The following COPG2 variants were observed in gnomAD, a reference collection of about 807,000 sequenced individuals.
The protein encoded by COPG2 is coat protein complex I subunit gamma 2.
Under a neutral mutation model 46.3 loss-of-function variants are expected in COPG2, and 37 were observed. That is an observed-to-expected ratio of 0.80 (90% CI 0.61 to 1.05). The LOEUF (loss-of-function observed/expected upper bound fraction) is 1.05. Ranked by LOEUF, COPG2 falls within the 50% of genes least tolerant of loss-of-function variation. The pLI is 0.00. For missense variants in COPG2, 427 were observed against 387.8 expected (o/e 1.10, Z -0.85); for synonymous variants, 159 against 129.7 (o/e 1.23, Z -1.53).
At chr7:130,611,395 G>T (rs782591328) in intron 8 of COPG2, among the ~76,000 whole-genome samples, 16 of 152,156 alleles carry the variant, frequency 1.1e-4, no homozygotes, top group Non-Finnish European at 2.1e-4. Context: ...CACATCCTCA[G>T]TACACACGCT....
intron 9 of COPG2, among the ~76,000 whole-genome samples, chr7:130,591,526 G>A (rs1240034280): frequency 1.6e-5 from 2 of 125,312 alleles, no homozygotes; most frequent in Admixed American, 7.5e-5. Context: ...GGTGAGGGGT[G>A]CCTCTGCCCG....
At chr7:130,633,244 C>T (rs1372059687) in intron 5 of COPG2, among the ~76,000 whole-genome samples, 1 of 152,030 alleles carries the variant, frequency 6.6e-6, no homozygotes, top group Non-Finnish European at 1.5e-5. Flanking sequence ...ATTTATAATC[C>T]TTTGGATATA....
chr7:130,604,401 A>G (rs1554450907), intron 9 of COPG2, among the ~76,000 whole-genome samples: 1 of 152,218 alleles, frequency 6.6e-6, no homozygotes, highest in African/African-American at 2.4e-5. Flanking sequence ...GTAGAGATAT[A>G]CACAAATTTT....
At chr7:130,511,507 T>C (rs782414546) in intron 20 of COPG2, 1 of 520,100 alleles carries the variant, frequency 1.9e-6, no homozygotes, top group South Asian at 1.4e-5. Context: ...AGGGAGTTTT[T>C]CTCTAGGACA....
rs139877735 is a variant in COPG2 at position 130,600,625 on chromosome 7, C to T, written c.737+10328G>A. 1.7e-4 allele frequency among the ~76,000 whole-genome samples: 26 copies of T among 152,240 alleles called. No homozygotes were observed. In the East Asian group the frequency reaches 3.5e-3, roughly 20 times the overall value. Reference sequence around the variant, plus strand: ...ATTTTGGCTTATATTAATATTGCTACATGGCATTTTTTATGTGTGTGAGTG... The same window carrying T: ...ATTTTGGCTTATATTAATATTGCTATATGGCATTTTTTATGTGTGTGAGTG... On this transcript the variant is annotated intron_variant, in intron 9 of 23. Coordinates refer to ENST00000425248, the MANE Select transcript of COPG2 (RefSeq NM_012133.6).
rs1799487676 is a variant in COPG2 at position 130,506,497 on chromosome 7, A to C, written c.*179T>G. The C allele has an allele frequency of 6.7e-6, 3 of 444,578 alleles. No individual in the cohort carries two copies. Among genetic ancestry groups the C allele is most frequent in the Middle Eastern group, 5.9e-4 (1 of 1,682 alleles). The allele number at this position is 444,578 out of a possible 1,614,324, so 27.5% of individuals were successfully genotyped here. ...AGTAGAATAAAAAGAAAAAAAAAAAAAAACAACCCATGCGCAAAGATAGAC... is the reference window on the plus strand; with the variant it reads ...AGTAGAATAAAAAGAAAAAAAAAAACAAACAACCCATGCGCAAAGATAGAC... On this transcript the variant is annotated 3_prime_UTR_variant, in exon 24 of 24. Coordinates refer to ENST00000425248, the MANE Select transcript of COPG2 (RefSeq NM_012133.6).
intron 20 of COPG2, among the ~76,000 whole-genome samples, chr7:130,513,232 G>A (rs1799625470): frequency 7.0e-6 from 1 of 143,588 alleles, no homozygotes; most frequent in Admixed American, 7.3e-5. Context: ...GATGCAGTGA[G>A]CCGAGATCAG....
At chr7:130,626,217 A>G (rs1417440378) in intron 5 of COPG2, among the ~76,000 whole-genome samples, 1 of 152,058 alleles carries the variant, frequency 6.6e-6, no homozygotes, top group African/African-American at 2.4e-5. Context: ...GTAGTTATGT[A>G]GTGATTTGCC....
chr7:130,563,175 T>A (rs1459035200), intron 11 of COPG2, 94 bp downstream of exon 11: 1 of 390,242 alleles, frequency 2.6e-6, no homozygotes. Context: ...ATAAATCACA[T>A]ATACTAACCT....
intron 9 of COPG2, among the ~76,000 whole-genome samples, chr7:130,598,556 C>T (rs572191852): frequency 6.6e-6 from 1 of 152,286 alleles, no homozygotes; most frequent in Admixed American, 6.5e-5. Flanking sequence ...ATCTTAAAGA[C>T]GAGACCTTCA....
At chr7:130,616,360 G>A (rs539652758) in intron 6 of COPG2, among the ~76,000 whole-genome samples, 9 of 152,130 alleles carry the variant, frequency 5.9e-5, no homozygotes, top group African/African-American at 2.2e-4. Context: ...CCCACATGGC[G>A]ATGATTATTC....
At chr7:130,649,763 C>T (rs558496067) in intron 5 of COPG2, among the ~76,000 whole-genome samples, 74 of 152,302 alleles carry the variant, frequency 4.9e-4, no homozygotes, top group South Asian at 3.5e-3. Context: ...CTATCTTGCA[C>T]CTCAAAATTC....
intron 14 of COPG2, among the ~76,000 whole-genome samples, chr7:130,553,905 T>G (rs1015529213): frequency 0.013 from 1,938 of 152,336 alleles, 17 homozygotes; most frequent in Middle Eastern, 0.044. Context: ...TTAAAGTATC[T>G]AACTTGATTT....
chr7:130,656,602 T>C lies in COPG2; in HGVS notation c.244-3654A>G, dbSNP rs962107464. Among the ~76,000 whole-genome samples, 8 of 152,200 alleles carry C rather than the reference T, an allele frequency of 5.3e-5. No homozygotes were observed. In the East Asian group the frequency reaches 1.5e-3, roughly 29 times the overall value. On this transcript the variant is annotated intron_variant, in intron 4 of 23. Coordinates refer to ENST00000425248, the MANE Select transcript of COPG2 (RefSeq NM_012133.6). ...CCCACTAAGAAGACAGCTGCAATAG[T>C]GAACTCTAACAAACATTTAAGGAGA...
chr7:130,634,307 T>A (rs291742), intron 5 of COPG2, among the ~76,000 whole-genome samples: 1 of 152,234 alleles, frequency 6.6e-6, no homozygotes, highest in African/African-American at 2.4e-5. Flanking sequence ...CACATTACTT[T>A]GGGCAGTATG....
At chr7:130,588,324 C>T (rs1356170895) in intron 9 of COPG2, among the ~76,000 whole-genome samples, 1 of 151,836 alleles carries the variant, frequency 6.6e-6, no homozygotes, top group Non-Finnish European at 1.5e-5. Flanking sequence ...ACAAATCATG[C>T]TGCTATAAAG....
rs568952725 is a variant in COPG2, at chr7:130,665,574, A to T, written c.171+1275T>A. On this transcript the variant is annotated intron_variant, in intron 3 of 23. Coordinates refer to ENST00000425248, the MANE Select transcript of COPG2 (RefSeq NM_012133.6). ...CACAACAACTATTTACACAGCACTAACATTGCACCAGGTATTGTAATCTAG... is the reference window on the plus strand; with the variant it reads ...CACAACAACTATTTACACAGCACTATCATTGCACCAGGTATTGTAATCTAG... 3.3e-5 allele frequency among the ~76,000 whole-genome samples: 5 copies of T among 152,332 alleles called. No individual in the cohort carries two copies. In the South Asian group the frequency reaches 1.0e-3, roughly 32 times the overall value.
chr7:130,591,585 C>T lies in COPG2; in HGVS notation c.737+19368G>A, dbSNP rs570802117. On this transcript the variant is annotated intron_variant, in intron 9 of 23. Coordinates refer to ENST00000425248, the MANE Select transcript of COPG2 (RefSeq NM_012133.6). ...AGCCCCTCTGCCCGGCCAGCCGCCCCGTCCGGGAAGGAGGTGGGGGGGTCA... is the reference window on the plus strand; with the variant it reads ...AGCCCCTCTGCCCGGCCAGCCGCCCTGTCCGGGAAGGAGGTGGGGGGGTCA... Among the ~76,000 whole-genome samples the T allele has an allele frequency of 1.9e-3, 185 of 97,752 alleles. 5 individuals are homozygous for T. The South Asian group carries it at 0.043, about 23-fold the overall frequency. The allele number at this position is 97,752 out of a possible 152,430, so 64.1% of individuals were successfully genotyped here.
Position 130,625,701 on chromosome 7 carries a change from G to A in COPG2, c.324-8636C>T, listed in dbSNP as rs982561692. Among the ~76,000 whole-genome samples the A allele has an allele frequency of 1.3e-5, 2 of 150,574 alleles. 1 individual carries two copies. Among genetic ancestry groups the A allele is most frequent in the Admixed American group, 1.3e-4 (2 of 15,152 alleles). ...TTTTTTTTACCAACTTAGCTTACGG[G>A]TTTATTTATATTGTTAATTTTTTCA... On this transcript the variant is annotated intron_variant, in intron 5 of 23. Transcript: ENST00000425248.
Sources: allele counts gnomAD v4.1 joint callset (sites outside exome capture counted in the v4.1 genomes callset), GRCh38; gene constraint gnomAD v4.1.1; transcripts MANE v1.5; gene names NCBI Gene and HGNC (gene_info 2026-07-23, HGNC 2026-07-21).